The following EXOC6B variants were observed in gnomAD, a reference collection of about 807,000 sequenced individuals.
EXOC6B encodes exocyst complex component 6B.
In EXOC6B, 54 loss-of-function variants were observed where a neutral mutation model predicts 113.5. The observed-to-expected ratio is 0.48, with a 90% CI of 0.38 to 0.60. The LOEUF (loss-of-function observed/expected upper bound fraction) is 0.60, where lower values mean the gene tolerates loss of function less well. Ranked by LOEUF, EXOC6B falls within the 20% of genes least tolerant of loss-of-function variation. The pLI, the probability that EXOC6B is intolerant of heterozygous loss-of-function variation, is 0.00. For synonymous variants in EXOC6B, 357 were observed against 339.0 expected (o/e 1.05, Z -0.58); for missense variants, 797 against 977.5 (o/e 0.82, Z 2.46).
At chr2:72,558,068 T>A (rs1703665095) in intron 8 of EXOC6B, among the ~76,000 whole-genome samples, 1 of 152,024 alleles carries the variant, frequency 6.6e-6, no homozygotes, top group African/African-American at 2.4e-5. Flanking sequence ...TCTGAGAAAT[T>A]GCTGCTACTG....
intron 18 of EXOC6B, among the ~76,000 whole-genome samples, chr2:72,397,624 A>AAAAAT (rs1692812063): frequency 7.5e-6 from 1 of 133,454 alleles, no homozygotes; most frequent in Non-Finnish European, 1.5e-5. Context: ...TCTCAAAAAA[A>AAAAAT]AAAAATAAAA....
At chr2:72,379,667 T>TC (rs761134582) in intron 19 of EXOC6B, 62 bp downstream of exon 19, 65 of 1,528,514 alleles carry the variant, frequency 4.3e-5, no homozygotes, top group Middle Eastern at 3.5e-4. Context: ...AAACTTTTTT[T>TC]CCCCTGACAG....
chr2:72,310,921 GAGAAA>G (rs1687151088), intron 20 of EXOC6B, among the ~76,000 whole-genome samples: 1 of 151,020 alleles, frequency 6.6e-6, no homozygotes, highest in Non-Finnish European at 1.5e-5. Context: ...CCATTTTCAA[GAGAAA>G]AGAAACAAGC....
chr2:72,490,053 C>G (rs1699658573), intron 16 of EXOC6B, among the ~76,000 whole-genome samples: 1 of 152,066 alleles, frequency 6.6e-6, no homozygotes, highest in African/African-American at 2.4e-5. Context: ...ATCTGACATG[C>G]TGAAATAGGA....
Position 72,461,646 on chromosome 2 carries a change from A to G in EXOC6B, c.1980+3514T>C, listed in dbSNP as rs1447310613. ...ATACAAAATACATTGTATTAAATAT[A>G]GTTACATCTGAATATTATAATACAA... is the stretch of plus-strand genomic sequence containing the variant. On this transcript the variant is annotated intron_variant, in intron 18 of 21. Coordinates refer to ENST00000272427, the MANE Select transcript of EXOC6B (RefSeq NM_015189.3). The G allele has an allele frequency of 2.0e-5, 3 of 152,170 alleles. No individual in the cohort carries two copies. The East Asian group carries it at 5.8e-4, about 29-fold the overall frequency. The allele number at this position is 152,170 out of a possible 1,614,324, so 9.4% of individuals were successfully genotyped here. A position where few individuals can be genotyped will look rare whatever the true frequency, so the allele number is the denominator to read the frequency against.
At chr2:72,284,026 G>A (rs183779162) in intron 20 of EXOC6B, among the ~76,000 whole-genome samples, 1 of 152,146 alleles carries the variant, frequency 6.6e-6, no homozygotes, top group African/African-American at 2.4e-5. Context: ...GTACAGATGG[G>A]TTCACTGGTG....
chr2:72,802,693 C>A (rs1436915347), intron 1 of EXOC6B, among the ~76,000 whole-genome samples: 1 of 152,050 alleles, frequency 6.6e-6, no homozygotes. Context: ...GAAAAAAATT[C>A]TAAGATTCCA....
At chr2:72,297,495 T>C (rs939994115) in intron 20 of EXOC6B, among the ~76,000 whole-genome samples, 1 of 152,176 alleles carries the variant, frequency 6.6e-6, no homozygotes, top group Non-Finnish European at 1.5e-5. Flanking sequence ...TTTCTGTTCC[T>C]GTGTTCTCCT....
chr2:72,382,115 G>A (rs189747944), intron 18 of EXOC6B, among the ~76,000 whole-genome samples: 86 of 152,246 alleles, frequency 5.6e-4, no homozygotes, highest in African/African-American at 1.9e-3. Flanking sequence ...AAATTCTAAA[G>A]AGAAAAGTCA....
At chr2:72,707,574 C>T (rs1347528215) in intron 6 of EXOC6B, among the ~76,000 whole-genome samples, 2 of 151,920 alleles carry the variant, frequency 1.3e-5, no homozygotes, top group Non-Finnish European at 2.9e-5. Context: ...CCATCACGCC[C>T]AGCTAATTTT....
At chr2:72,722,448 T>C (rs906138326) in intron 5 of EXOC6B, among the ~76,000 whole-genome samples, 2 of 152,220 alleles carry the variant, frequency 1.3e-5, no homozygotes, top group Admixed American at 1.3e-4. Flanking sequence ...AGACTGGTTT[T>C]ACTTGGTTTT....
chr2:72,514,942 C>T, intron 9 of EXOC6B, 101 bp downstream of exon 9: 1 of 941,388 alleles, frequency 1.1e-6, no homozygotes, highest in Non-Finnish European at 1.5e-6. Flanking sequence ...TGACAGTAAA[C>T]ACACACACAC....
Position 72,825,995 on chromosome 2 carries a change from T to TC in EXOC6B, c.-86dup. 2 of 1,528,916 alleles carry TC rather than the reference T, an allele frequency of 1.3e-6. No homozygotes were observed. Among genetic ancestry groups the TC allele is most frequent in the Middle Eastern group, 1.7e-4 (1 of 5,802 alleles). The allele number at this position is 1,528,916 out of a possible 1,614,324, so 94.7% of individuals were successfully genotyped here. A position where few individuals can be genotyped will look rare whatever the true frequency, so the allele number is the denominator to read the frequency against. On this transcript the variant is annotated 5_prime_UTR_variant, in exon 1 of 22. Coordinates refer to ENST00000272427, the MANE Select transcript of EXOC6B (RefSeq NM_015189.3). This position sits in a 1 kb window ranked among gnomAD's most constrained non-coding sequence, Gnocchi z 4.4. ...CCACAATGCCGCTCCCACCACAGGC[T>TC]CCACAGCCGCCCCAGCCTCTGGCTA...
At chr2:72,684,402 T>G (rs1048193228) in intron 6 of EXOC6B, among the ~76,000 whole-genome samples, 4 of 152,154 alleles carry the variant, frequency 2.6e-5, no homozygotes, top group Non-Finnish European at 5.9e-5. Flanking sequence ...CAAAATATGG[T>G]AGAACTACTT....
intron 18 of EXOC6B, among the ~76,000 whole-genome samples, chr2:72,397,848 G>T (rs1179214484): frequency 6.6e-6 from 1 of 151,758 alleles, no homozygotes; most frequent in African/African-American, 2.4e-5. Flanking sequence ...AATGATCAAG[G>T]GCTATCTACT....
At chr2:72,240,110 T>G (rs552873548) in intron 20 of EXOC6B, among the ~76,000 whole-genome samples, 1 of 152,304 alleles carries the variant, frequency 6.6e-6, no homozygotes, top group East Asian at 1.9e-4. Context: ...TATAACATCA[T>G]GTCATCTACA....
chr2:72,371,105 T>C (rs1258659084), intron 19 of EXOC6B, among the ~76,000 whole-genome samples: 3 of 150,984 alleles, frequency 2.0e-5, no homozygotes, highest in Non-Finnish European at 4.4e-5. Flanking sequence ...TGGATACCAG[T>C]TCAGCCACAG....
chr2:72,280,390 G>C (rs4264581), intron 20 of EXOC6B, among the ~76,000 whole-genome samples: 1 of 151,812 alleles, frequency 6.6e-6, no homozygotes, highest in South Asian at 2.1e-4. Flanking sequence ...ACAGATGTTA[G>C]AATTAAGCAA....
intron 19 of EXOC6B, among the ~76,000 whole-genome samples, chr2:72,366,122 A>G (rs1398955297): frequency 1.3e-5 from 2 of 152,204 alleles, no homozygotes; most frequent in Non-Finnish European, 2.9e-5. Context: ...AACAATATCA[A>G]TAACCTGGAA....
Sources: allele counts gnomAD v4.1 joint callset (sites outside exome capture counted in the v4.1 genomes callset), GRCh38; gene constraint gnomAD v4.1.1; non-coding constraint Gnocchi (gnomAD v3.1); transcripts MANE v1.5; gene names NCBI Gene and HGNC (gene_info 2026-07-23, HGNC 2026-07-21).